The following RAB27B variants were observed in gnomAD, a reference collection of about 807,000 sequenced individuals.
The protein encoded by RAB27B is ras-related protein Rab-27B.
In RAB27B, 15 loss-of-function variants were observed where a neutral mutation model predicts 24.6. That is an observed-to-expected ratio of 0.61 (90% CI 0.41 to 0.94). The LOEUF (loss-of-function observed/expected upper bound fraction) is 0.94, where lower values mean the gene tolerates loss of function less well. RAB27B is among the 40% of genes least tolerant of loss of function. The probability of loss-of-function intolerance (pLI) is 0.00; values close to 1 mark genes in which losing one functional copy is unlikely to be tolerated. For synonymous variants in RAB27B, 105 were observed against 92.5 expected (o/e 1.14, Z -0.78); for missense variants, 261 against 266.8 (o/e 0.98, Z 0.15).
intron 1 of RAB27B, among the ~76,000 whole-genome samples, chr18:54,861,199 C>A (rs1476004506): frequency 6.6e-6 from 1 of 152,098 alleles, no homozygotes; most frequent in Admixed American, 6.6e-5. Context: ...AAGCAGCAGC[C>A]AGCTAGAAAA....
intron 2 of RAB27B, among the ~76,000 whole-genome samples, chr18:54,795,119 G>A (rs1299786825): frequency 6.6e-6 from 1 of 152,098 alleles, no homozygotes; most frequent in African/African-American, 2.4e-5. Context: ...TCCCACTTAT[G>A]GTTAATTTTA....
intron 2 of RAB27B, among the ~76,000 whole-genome samples, chr18:54,792,699 C>T (rs754603160): frequency 2.0e-5 from 3 of 152,068 alleles, no homozygotes; most frequent in Admixed American, 6.5e-5. Flanking sequence ...TTCTTCACTG[C>T]TCCAGTACCT....
intron 1 of RAB27B, among the ~76,000 whole-genome samples, chr18:54,867,446 T>TC (rs1555666341): frequency 0.047 from 4,149 of 87,814 alleles, 147 homozygotes; most frequent in African/African-American, 0.14. Flanking sequence ...TCTTTTCTTT[T>TC]TTTTTTTTTT....
At chr18:54,821,401 G>A (rs1021601165) in intron 2 of RAB27B, among the ~76,000 whole-genome samples, 2 of 152,100 alleles carry the variant, frequency 1.3e-5, no homozygotes, top group Admixed American at 6.6e-5. Context: ...ACAAACAAAT[G>A]GAAGAACATT....
At position 54,889,371 on chromosome 18, in the gene RAB27B, C is replaced by A. The variant is rs1913275003; in HGVS notation, c.615C>A (p.Asn205Lys). Residue 205 changes from asparagine to lysine, a missense_variant, in exon 6 of 6, where the codon AAC becomes AAA. By Grantham distance (94) the Asn-to-Lys change is moderately conservative. Transcript: ENST00000262094. ...PDTVNGGNSG[N>K]LDGEKPPEKK... ...CTGTCAATGGTGGAAATTCTGGAAA[C>A]TTGGATGGGGAAAAGCCACCAGAGA... is the stretch of plus-strand genomic sequence containing the variant. 1.9e-6 allele frequency: 3 copies of A among 1,613,094 alleles called. No individual in the cohort carries two copies. The highest frequency in any genetic ancestry group is 2.5e-6 in the Non-Finnish European group (3 of 1,179,382).
intron 2 of RAB27B, among the ~76,000 whole-genome samples, chr18:54,752,964 G>A (rs1568052840): frequency 6.6e-6 from 1 of 152,158 alleles, no homozygotes; most frequent in African/African-American, 2.4e-5. Flanking sequence ...TATAGAGGAG[G>A]AAAGTCAGGA....
At chr18:54,731,922 T>A (rs1305185176) in intron 2 of RAB27B, among the ~76,000 whole-genome samples, 4 of 152,228 alleles carry the variant, frequency 2.6e-5, no homozygotes, top group African/African-American at 9.6e-5. Context: ...CTTCAATTTC[T>A]GTCCGTGATA....
chr18:54,802,657 A>G (rs944021496), intron 2 of RAB27B, among the ~76,000 whole-genome samples: 4 of 152,186 alleles, frequency 2.6e-5, no homozygotes, highest in Non-Finnish European at 5.9e-5. Context: ...AGTTATTTCA[A>G]TGGAATATAA....
At chr18:54,777,631 G>A (rs1908758206) in intron 2 of RAB27B, among the ~76,000 whole-genome samples, 1 of 152,208 alleles carries the variant, frequency 6.6e-6, no homozygotes, top group Admixed American at 6.5e-5. Flanking sequence ...TAAATTATCT[G>A]TACTCTCAGC....
intron 2 of RAB27B, among the ~76,000 whole-genome samples, chr18:54,720,361 A>G (rs892276605): frequency 6.6e-6 from 1 of 152,106 alleles, no homozygotes; most frequent in East Asian, 1.9e-4. Flanking sequence ...TAACAGATGG[A>G]TTTTAACATG....
intron 1 of RAB27B, among the ~76,000 whole-genome samples, chr18:54,870,654 A>G (rs1912426652): frequency 6.6e-6 from 1 of 152,178 alleles, no homozygotes; most frequent in African/African-American, 2.4e-5. Context: ...ACATACTTTG[A>G]TTTGTTGTAA....
upstream of RAB27B, among the ~76,000 whole-genome samples, chr18:54,827,227 T>C (rs1423533539): frequency 6.6e-6 from 1 of 152,248 alleles, no homozygotes; most frequent in East Asian, 1.9e-4. Flanking sequence ...TGGATCTTAC[T>C]TGGGGAGAAT....
chr18:54,813,393 C>T (rs1348475885), intron 2 of RAB27B, among the ~76,000 whole-genome samples: 1 of 152,132 alleles, frequency 6.6e-6, no homozygotes, highest in African/African-American at 2.4e-5. Context: ...AATGTGATCC[C>T]CAGGTTGACA....
chr18:54,824,233 TTTC>T (rs1434707529), upstream of RAB27B, among the ~76,000 whole-genome samples: 1 of 152,230 alleles, frequency 6.6e-6, no homozygotes, highest in African/African-American at 2.4e-5. Flanking sequence ...TATCATAATG[TTTC>T]TTTTTTCTTG....
chr18:54,797,096 C>A (rs1261422982), intron 2 of RAB27B, among the ~76,000 whole-genome samples: 1 of 152,112 alleles, frequency 6.6e-6, no homozygotes, highest in Non-Finnish European at 1.5e-5. Flanking sequence ...ATTTCTAGTC[C>A]TGTGTAAGTG....
intron 3 of RAB27B, 101 bp downstream of exon 3, chr18:54,879,555 C>T (rs958932891): frequency 2.1e-6 from 2 of 942,194 alleles, no homozygotes; most frequent in South Asian, 2.8e-5. Flanking sequence ...ATATTCAACT[C>T]TTCTCCTGGT....
intron 2 of RAB27B, among the ~76,000 whole-genome samples, chr18:54,770,837 G>C (rs1908522953): frequency 6.6e-6 from 1 of 152,014 alleles, no homozygotes; most frequent in South Asian, 2.1e-4. Flanking sequence ...ATTTTCTGCA[G>C]GTCTTTTTAT....
At chr18:54,758,798 G>A (rs1908090208) in intron 2 of RAB27B, among the ~76,000 whole-genome samples, 1 of 152,072 alleles carries the variant, frequency 6.6e-6, no homozygotes, top group African/African-American at 2.4e-5. Context: ...TGCTGAAGTG[G>A]GAGCAAATGC....
intron 2 of RAB27B, among the ~76,000 whole-genome samples, chr18:54,754,897 T>C (rs1907953471): frequency 6.6e-6 from 1 of 152,196 alleles, no homozygotes; most frequent in Non-Finnish European, 1.5e-5. Context: ...TGTGCCTTGC[T>C]AGTTTTGAGG....
Sources: allele counts gnomAD v4.1 joint callset (sites outside exome capture counted in the v4.1 genomes callset), GRCh38; gene constraint gnomAD v4.1.1; transcripts MANE v1.5; gene names NCBI Gene and HGNC (gene_info 2026-07-23, HGNC 2026-07-21).